STRA6: variants seen among roughly 807,000 people sequenced by gnomAD.
STRA6 encodes the protein signaling receptor and transporter of retinol STRA6.
In STRA6, 48 loss-of-function variants were observed where a neutral mutation model predicts 83.6. That is an observed-to-expected ratio of 0.57 (90% CI 0.46 to 0.73). The LOEUF is 0.73. Among genes scored for constraint, STRA6 ranks in the 30% least tolerant of loss-of-function variants. The pLI is 0.00. For missense variants in STRA6, 760 were observed against 838.8 expected (o/e 0.91, Z 1.16); for synonymous variants, 353 against 362.3 (o/e 0.97, Z 0.29).
rs142089943 is a variant in STRA6 at position 74,191,206 on chromosome 15, G to T, written c.826C>A (p.Arg276Ser). ...TSKHGFLSWARVCLRHCIYTP... is the reference protein window; with the variant it reads ...TSKHGFLSWASVCLRHCIYTP... ...TAGATGCAGTGTCTCAAGCAGACGC[G>T]GGCCCAGGACAGGAAGCCATGCTTG... Residue 276 changes from arginine (R) to serine (S), a missense_variant, in exon 10 of 19, where the codon CGC (arginine) becomes AGC (serine). Transcript: ENST00000395105. 1 of 1,613,236 alleles carries T rather than the reference G, an allele frequency of 6.2e-7. No homozygotes were observed. Among genetic ancestry groups the T allele is most frequent in the Non-Finnish European group, 8.5e-7 (1 of 1,179,798 alleles).
chr15:74,184,296 A>T (rs2073135432), intron 13 of STRA6, among the ~76,000 whole-genome samples: 1 of 152,240 alleles, frequency 6.6e-6, no homozygotes, highest in South Asian at 2.1e-4. Context: ...CCAACAGGTA[A>T]AGAGGCAAGG....
At position 74,188,977 on chromosome 15, in the gene STRA6, G is replaced by T; in HGVS notation, c.1090+138C>A. On this transcript the variant is annotated intron_variant, in intron 12 of 18. Transcript: ENST00000395105. This position sits in a 1 kb window ranked among gnomAD's most constrained non-coding sequence, Gnocchi z 4.5. ...GCGCCAACTGCCACAATTTGGAGAT[G>T]AGGCAATCGAGACCCAGAGAGAGGA... 1 of 1,046,702 alleles carries T rather than the reference G, an allele frequency of 9.6e-7. No individual in the cohort carries two copies. The allele number at this position is 1,046,702 out of a possible 1,614,324, so 64.8% of individuals were successfully genotyped here. A position where few individuals can be genotyped will look rare whatever the true frequency, so the allele number is the denominator to read the frequency against.
At chr15:74,207,766 G>A (rs777134221), upstream of STRA6, 4 of 1,535,708 alleles carry the variant, frequency 2.6e-6, no homozygotes, top group South Asian at 4.8e-5. Flanking sequence ...GCGGGCCCGT[G>A]AGCTTGGGGT....
At chr15:74,201,292 T>C (rs1424926262) in intron 2 of STRA6, among the ~76,000 whole-genome samples, 2 of 152,188 alleles carry the variant, frequency 1.3e-5, no homozygotes, top group African/African-American at 2.4e-5. Flanking sequence ...TGTGCACACA[T>C]CTGGCTCGGC....
At chr15:74,187,685 G>A (rs770184736) in intron 12 of STRA6, among the ~76,000 whole-genome samples, 2 of 152,126 alleles carry the variant, frequency 1.3e-5, no homozygotes, top group Admixed American at 6.6e-5. Context: ...GGCCGTATCT[G>A]TAATCCTCCT....
At chr15:74,209,676 A>G (rs911214416), upstream of STRA6, 1 of 533,624 alleles carries the variant, frequency 1.9e-6, no homozygotes, top group Admixed American at 3.3e-5. Context: ...GCTGCTGGAC[A>G]GTCGGCTGCA....
upstream of STRA6, chr15:74,209,162 G>T (rs1595871264): frequency 1.5e-6 from 2 of 1,297,112 alleles, no homozygotes; most frequent in Admixed American, 6.1e-5. Context: ...CAGGCACAGA[G>T]CAGGGGCTGG....
intron 18 of STRA6, 31 bp from the exon 19 acceptor site, chr15:74,180,274 C>T: frequency 1.9e-6 from 3 of 1,613,772 alleles, no homozygotes; most frequent in African/African-American, 1.3e-5. Flanking sequence ...GTGAGTCACT[C>T]AGCAAACACC....
chr15:74,195,738 G>T, intron 5 of STRA6, 63 bp from the exon 6 acceptor site: 1 of 951,376 alleles, frequency 1.1e-6, no homozygotes, highest in Non-Finnish European at 1.6e-6. Context: ...GATATATAAT[G>T]CTTAGCATGG....
chr15:74,196,754 A>G (rs2073839600), intron 4 of STRA6, among the ~76,000 whole-genome samples: 1 of 152,160 alleles, frequency 6.6e-6, no homozygotes, highest in Non-Finnish European at 1.5e-5. Context: ...GCCTCGGTGC[A>G]CAGTCTGGGT....
intron 18 of STRA6, 100 bp from the exon 19 acceptor site, chr15:74,180,343 G>T: frequency 6.7e-7 from 1 of 1,490,450 alleles, no homozygotes; most frequent in Non-Finnish European, 9.3e-7. Context: ...CCAGGCGTGT[G>T]CAGGTCGTGA....
chr15:74,204,731 G>C (rs2074219960), upstream of STRA6, among the ~76,000 whole-genome samples: 1 of 152,160 alleles, frequency 6.6e-6, no homozygotes, highest in Non-Finnish European at 1.5e-5. Context: ...TCAGGAGTTA[G>C]AGACCCAGCC....
intron 11 of STRA6, among the ~76,000 whole-genome samples, chr15:74,189,933 A>G (rs2073450978): frequency 6.6e-6 from 1 of 152,190 alleles, no homozygotes; most frequent in African/African-American, 2.4e-5. Flanking sequence ...AAGTGCTGGG[A>G]TTACAGGTGT....
chr15:74,183,666 TAC>T (rs2073100658), intron 14 of STRA6, 188 bp downstream of exon 14: 2 of 1,518,230 alleles, frequency 1.3e-6, no homozygotes. Context: ...AGGGCTCCTG[TAC>T]CCCCATCCTG....
At chr15:74,190,799 G>C in intron 11 of STRA6, 41 bp downstream of exon 11, 1 of 1,613,806 alleles carries the variant, frequency 6.2e-7, no homozygotes, top group Non-Finnish European at 8.5e-7. Context: ...GTTGAGGGCA[G>C]GGCTCCAGAG....
Position 74,180,145 on chromosome 15 carries a change from G to A in STRA6, c.1939C>T (p.His647Tyr). 6.2e-7 allele frequency: 1 copy of A among 1,613,874 alleles called. No homozygotes were observed. The highest frequency in any genetic ancestry group is 1.1e-5 in the South Asian group (1 of 91,070). The part of the protein sequence containing the change: ...ARWGLAYTLL[H>Y]NPTLQVFRKT... ...CGGAAGACCTGCAGGGTTGGGTTGT[G>A]CAGCAGCGTGTAGGCCAGACCCCAG... The change falls in exon 19 of 19, where the codon CAC (histidine) becomes TAC (tyrosine). Residue 647 changes from histidine to tyrosine, a missense_variant. Transcript: ENST00000395105.
upstream of STRA6, among the ~76,000 whole-genome samples, chr15:74,204,699 G>A (rs903747682): frequency 5.3e-5 from 8 of 152,202 alleles, no homozygotes; most frequent in African/African-American, 1.2e-4. Flanking sequence ...TTGGGAGGCC[G>A]AGGCAGGTGG....
intron 1 of STRA6, chr15:74,208,108 G>A (rs1260389438): frequency 3.5e-6 from 4 of 1,140,836 alleles, no homozygotes; most frequent in Non-Finnish European, 4.4e-6. Context: ...GTGAGGAGGA[G>A]GAGGGTAGCC....
Position 74,188,555 on chromosome 15 carries a change from G to A in STRA6, c.1090+560C>T, listed in dbSNP as rs2073373265. Among the ~76,000 whole-genome samples, 1 of 152,240 alleles carries A rather than the reference G, an allele frequency of 6.6e-6. No individual in the cohort carries two copies. The highest frequency in any genetic ancestry group is 2.1e-4 in the South Asian group (1 of 4,836). On this transcript the variant is annotated intron_variant, in intron 12 of 18. Coordinates refer to ENST00000395105, the MANE Select transcript of STRA6 (RefSeq NM_022369.4). The surrounding 1 kb of genome is among the most constrained non-coding windows in gnomAD (Gnocchi z 4.5). ...AGTCCCCTCCACAGCGCTGTTGGGA[G>A]CGCCCAGGAGGCAGAGTAAGTAGGT...
Sources: gnomAD v4.1 joint callset for allele counts (sites outside exome capture counted in the v4.1 genomes callset) on GRCh38, gnomAD v4.1.1 for gene constraint, Gnocchi (gnomAD v3.1) non-coding constraint, MANE v1.5 for transcripts, NCBI Gene and HGNC (gene_info 2026-07-23, HGNC 2026-07-21) for gene names.